The following GPC6 variants were observed in gnomAD, a reference collection of about 807,000 sequenced individuals.
The protein encoded by GPC6 is glypican 6.
In GPC6, 14 loss-of-function variants were observed where a neutral mutation model predicts 55.2. That is an observed-to-expected ratio of 0.25 (90% CI 0.17 to 0.40). The LOEUF (loss-of-function observed/expected upper bound fraction) is 0.40. Among genes scored for constraint, GPC6 ranks in the 10% least tolerant of loss-of-function variants. The pLI is 1.00. For missense variants in GPC6, 641 were observed against 708.5 expected, an observed-to-expected ratio of 0.90 and a Z score of 1.08; for synonymous variants, 278 against 259.6, an observed-to-expected ratio of 1.07 and a Z score of -0.68.
chr13:93,523,745 TTTTTTTC>T (rs1413669131), intron 1 of GPC6, among the ~76,000 whole-genome samples: 3 of 152,064 alleles, frequency 2.0e-5, no homozygotes, highest in African/African-American at 7.2e-5. Context: ...TTGTTTGGAA[TTTTTTTC>T]TTTGTTCTTT....
chr13:93,218,697 G>T, the GPC6 span, among the ~76,000 whole-genome samples: 1 of 152,180 alleles, frequency 6.6e-6, no homozygotes, highest in Non-Finnish European at 1.5e-5. Context: ...CCACAGGTTT[G>T]TCTGGCCATA....
At chr13:94,269,126 G>A (rs1029501451) in intron 4 of GPC6, among the ~76,000 whole-genome samples, 4 of 152,110 alleles carry the variant, frequency 2.6e-5, no homozygotes, top group African/African-American at 9.7e-5. Context: ...CTTCCTGCAG[G>A]TACATAGGAA....
intron 3 of GPC6, among the ~76,000 whole-genome samples, chr13:93,971,559 AGCTC>A (rs1880284126): frequency 6.6e-6 from 1 of 152,234 alleles, no homozygotes; most frequent in Non-Finnish European, 1.5e-5. Context: ...AACAAAAGGA[AGCTC>A]TCCCACATTG....
At chr13:93,613,826 A>G (rs1223806108) in intron 2 of GPC6, among the ~76,000 whole-genome samples, 1 of 152,164 alleles carries the variant, frequency 6.6e-6, no homozygotes, top group African/African-American at 2.4e-5. Flanking sequence ...ACAACCCTGG[A>G]TGTCACTTCG....
chr13:93,466,321 TC>T (rs1332105614), intron 1 of GPC6, among the ~76,000 whole-genome samples: 1 of 152,244 alleles, frequency 6.6e-6, no homozygotes, highest in Non-Finnish European at 1.5e-5. Flanking sequence ...TCATTTGTTT[TC>T]GTCACGTATA....
chr13:94,293,836 T>G (rs773062759), intron 5 of GPC6, among the ~76,000 whole-genome samples: 2 of 152,192 alleles, frequency 1.3e-5, no homozygotes, highest in Non-Finnish European at 2.9e-5. Context: ...TGCTGTTTCC[T>G]CAGTAATTAC....
At chr13:93,406,976 T>C (rs949625522) in intron 1 of GPC6, among the ~76,000 whole-genome samples, 5 of 152,194 alleles carry the variant, frequency 3.3e-5, no homozygotes, top group African/African-American at 1.2e-4. Context: ...GGATTTTGAT[T>C]TTTAAAAAGA....
chr13:93,987,102 C>T (rs568321645), intron 3 of GPC6, among the ~76,000 whole-genome samples: 44 of 152,126 alleles, frequency 2.9e-4, no homozygotes, highest in Admixed American at 8.5e-4. Context: ...TCGACTAATA[C>T]GCTCTCTCAT....
At chr13:93,399,063 C>CACACAG (rs759617418) in intron 1 of GPC6, among the ~76,000 whole-genome samples, 4 of 66,004 alleles carry the variant, frequency 6.1e-5, no homozygotes, top group Non-Finnish European at 1.7e-4. Flanking sequence ...CACACACAGA[C>CACACAG]ACACACACAC....
chr13:93,605,234 C>T (rs1007140136), intron 2 of GPC6, among the ~76,000 whole-genome samples: 1 of 152,112 alleles, frequency 6.6e-6, no homozygotes, highest in Non-Finnish European at 1.5e-5. Flanking sequence ...TTTCCTGATA[C>T]CATATTAATG....
chr13:93,871,390 A>G (rs538729763), intron 3 of GPC6, among the ~76,000 whole-genome samples: 1 of 152,028 alleles, frequency 6.6e-6, no homozygotes, highest in East Asian at 2.0e-4. Context: ...AGGTAATACA[A>G]CACAGATCAA....
intron 3 of GPC6, among the ~76,000 whole-genome samples, chr13:94,024,790 C>G (rs533398132): frequency 6.6e-6 from 1 of 152,156 alleles, no homozygotes; most frequent in East Asian, 1.9e-4. Flanking sequence ...TGAATGCAAT[C>G]AATAGCCTTT....
At chr13:94,032,652 A>G (rs1393025643) in intron 4 of GPC6, among the ~76,000 whole-genome samples, 1 of 152,186 alleles carries the variant, frequency 6.6e-6, no homozygotes, top group Non-Finnish European at 1.5e-5. Flanking sequence ...ATCAGCAAAA[A>G]GTTGAGTTAT....
intron 3 of GPC6, among the ~76,000 whole-genome samples, chr13:94,015,450 T>C (rs556565333): frequency 6.6e-6 from 1 of 152,208 alleles, no homozygotes; most frequent in East Asian, 1.9e-4. Flanking sequence ...TTTACAAATA[T>C]TTTCTCCCAT....
Position 94,192,463 on chromosome 13 carries a change from T to A in GPC6, c.878-93886T>A, listed in dbSNP as rs941579830. Among the ~76,000 whole-genome samples the A allele has an allele frequency of 2.0e-5, 3 of 152,160 alleles. No individual in the cohort carries two copies. The East Asian group carries it at 5.8e-4, about 29-fold the overall frequency. On this transcript the variant is annotated intron_variant, in intron 4 of 8. Transcript: ENST00000377047. ...AGAGTATGTCTGGGGTCTGGGTTAG[T>A]ACTAGCTCAAGGGAAAGGGTACCAC...
chr13:93,946,550 G>A (rs1456964944), intron 3 of GPC6, among the ~76,000 whole-genome samples: 2 of 152,150 alleles, frequency 1.3e-5, no homozygotes, highest in Non-Finnish European at 2.9e-5. Flanking sequence ...ATAAACAAGT[G>A]GTATAAGGAC....
At chr13:94,074,422 T>C (rs1884839432) in intron 4 of GPC6, among the ~76,000 whole-genome samples, 1 of 152,208 alleles carries the variant, frequency 6.6e-6, no homozygotes, top group Non-Finnish European at 1.5e-5. Context: ...TCACATTGTA[T>C]TTAAACTACT....
At chr13:93,385,572 C>T (rs1875364713) in intron 1 of GPC6, among the ~76,000 whole-genome samples, 1 of 152,098 alleles carries the variant, frequency 6.6e-6, no homozygotes, top group Admixed American at 6.6e-5. Flanking sequence ...AAGAAGTGGA[C>T]GGGATTCAGA....
intron 3 of GPC6, among the ~76,000 whole-genome samples, chr13:93,837,321 C>G (rs892281054): frequency 2.0e-5 from 3 of 152,178 alleles, no homozygotes; most frequent in Admixed American, 6.5e-5. Context: ...TTAGGGATTC[C>G]ATAACCCTAT....
Sources: allele counts gnomAD v4.1 joint callset (sites outside exome capture counted in the v4.1 genomes callset), GRCh38; gene constraint gnomAD v4.1.1; transcripts MANE v1.5; gene names NCBI Gene and HGNC (gene_info 2026-07-23, HGNC 2026-07-21).